Variants in KIF13B observed in about 807,000 individuals in gnomAD.
KIF13B encodes the protein kinesin family member 13B.
Under a neutral mutation model 222.0 loss-of-function variants are expected in KIF13B, and 127 were observed. That is an observed-to-expected ratio of 0.57 (90% confidence interval 0.50 to 0.66). The LOEUF (loss-of-function observed/expected upper bound fraction) is 0.66. Ranked by LOEUF, KIF13B falls within the 30% of genes least tolerant of loss-of-function variation. The pLI is 0.00. For synonymous variants in KIF13B, 976 were observed against 919.0 expected, an observed-to-expected ratio of 1.06 and a Z score of -1.12; for missense variants, 2,173 against 2,379.0, an observed-to-expected ratio of 0.91 and a Z score of 1.80.
Position 29,186,324 on chromosome 8 carries a change from A to C in KIF13B, c.465T>G (p.Asn155Lys). The change falls in exon 6 of 40, where the codon AAT (asparagine) becomes AAG (lysine). Residue 155 changes from asparagine to lysine, a missense_variant. Asn to Lys is a moderately conservative substitution (Grantham distance 94, BLOSUM62 0). Transcript: ENST00000524189. ...KVEVSYMEIYNEKVRDLLDPK... is the reference protein window; with the variant it reads ...KVEVSYMEIYKEKVRDLLDPK... ...GATCAAGAAGGTCTCGAACTTTTTC[A>C]TTATAAATTTCCATGTAGGACACTT... is the stretch of plus-strand genomic sequence containing the variant. 1 of 1,612,854 alleles carries C rather than the reference A, an allele frequency of 6.2e-7. No individual in the cohort carries two copies. Among genetic ancestry groups the C allele is most frequent in the Non-Finnish European group, 8.5e-7 (1 of 1,179,564 alleles).
chr8:29,222,123 G>A (rs1032549426), intron 2 of KIF13B, among the ~76,000 whole-genome samples: 1 of 152,126 alleles, frequency 6.6e-6, no homozygotes, highest in Non-Finnish European at 1.5e-5. Context: ...GAGGTAGGAA[G>A]GTCGCTTGAG....
chr8:29,250,295 A>C (rs973435530), intron 1 of KIF13B, among the ~76,000 whole-genome samples: 1 of 152,228 alleles, frequency 6.6e-6, no homozygotes, highest in Non-Finnish European at 1.5e-5. Flanking sequence ...CAGTTCCTTC[A>C]TTTCAAATTA....
intron 15 of KIF13B, among the ~76,000 whole-genome samples, chr8:29,149,570 C>T (rs1193144645): frequency 6.6e-6 from 1 of 152,216 alleles, no homozygotes; most frequent in Non-Finnish European, 1.5e-5. Flanking sequence ...GAGGCAAATT[C>T]TAGCAAAGGA....
chr8:29,187,999 T>C (rs1175883296), intron 5 of KIF13B, among the ~76,000 whole-genome samples: 2 of 152,192 alleles, frequency 1.3e-5, no homozygotes, highest in Admixed American at 6.5e-5. Flanking sequence ...ACACGACACA[T>C]GAGGCTTCTT....
At chr8:29,237,514 A>T (rs2925209) in intron 2 of KIF13B, among the ~76,000 whole-genome samples, 33,258 of 151,048 alleles carry the variant, frequency 0.22, 3,888 homozygotes, top group African/African-American at 0.29. Flanking sequence ...CCAGGTAGTA[A>T]TTCAAGCACA....
intron 37 of KIF13B, among the ~76,000 whole-genome samples, chr8:29,082,568 G>A (rs1434889111): frequency 6.6e-6 from 1 of 152,106 alleles, no homozygotes; most frequent in East Asian, 1.9e-4. Context: ...GCGCCCAGGA[G>A]TTCGAAGCTG....
At chr8:29,124,286 A>T (rs1006964192) in intron 26 of KIF13B, among the ~76,000 whole-genome samples, 163 bp from the exon 27 acceptor site, 3 of 152,246 alleles carry the variant, frequency 2.0e-5, no homozygotes, top group Admixed American at 6.5e-5. Flanking sequence ...CTTTCAAAAC[A>T]GCTATTTTCA....
intron 1 of KIF13B, among the ~76,000 whole-genome samples, chr8:29,261,816 A>G (rs572473436): frequency 6.6e-6 from 1 of 152,196 alleles, no homozygotes; most frequent in Non-Finnish European, 1.5e-5. Flanking sequence ...GATAACTCCA[A>G]GCGAGAAACC....
At chr8:29,132,049 C>A (rs1055661163) in intron 23 of KIF13B, among the ~76,000 whole-genome samples, 1 of 152,116 alleles carries the variant, frequency 6.6e-6, no homozygotes, top group Admixed American at 6.6e-5. Flanking sequence ...GAGTTCAAGA[C>A]CAGCCTGGCC....
In KIF13B at chr8:29,070,778, GGA is replaced by G. The variant is rs760945176; in HGVS notation, c.5219-14_5219-13del. Reference sequence around the variant, plus strand: ...ACCGTCATTCTTACCTGCGGGGGAAGGAGAGGGTGATATGGAGGGCAGCCGAG... The same window carrying G: ...ACCGTCATTCTTACCTGCGGGGGAAGGAGGGTGATATGGAGGGCAGCCGAG... On this transcript the variant is annotated splice_polypyrimidine_tract_variant and intron_variant, in intron 39 of 39. Coordinates refer to ENST00000524189, the MANE Select transcript of KIF13B (RefSeq NM_015254.4). This position sits in a 1 kb window ranked among gnomAD's most constrained non-coding sequence, Gnocchi z 4.1. 303 of 1,584,980 alleles carry G rather than the reference GGA, an allele frequency of 1.9e-4. No individual in the cohort carries two copies. The highest frequency in any genetic ancestry group is 2.5e-4 in the Non-Finnish European group (296 of 1,166,398).
intron 3 of KIF13B, 87 bp downstream of exon 3, chr8:29,196,100 T>C (rs751014375): frequency 2.0e-4 from 226 of 1,107,264 alleles, no homozygotes; most frequent in Middle Eastern, 4.0e-4. Flanking sequence ...AGAAAATATT[T>C]TCCTTTTTGA....
chr8:29,130,495 AC>A (rs747386482), intron 24 of KIF13B, 37 bp downstream of exon 24: 1 of 1,609,270 alleles, frequency 6.2e-7, no homozygotes, highest in African/African-American at 1.3e-5. Flanking sequence ...GCTTTCTGGC[AC>A]CAAAGAATCT....
At chr8:29,104,664 T>A (rs1808962574) in intron 35 of KIF13B, among the ~76,000 whole-genome samples, 1 of 152,196 alleles carries the variant, frequency 6.6e-6, no homozygotes, top group Non-Finnish European at 1.5e-5. Context: ...TGCCATTCCT[T>A]GGGACATGAC....
At chr8:29,106,825 C>T (rs1303220327) in intron 35 of KIF13B, among the ~76,000 whole-genome samples, 1 of 152,112 alleles carries the variant, frequency 6.6e-6, no homozygotes, top group East Asian at 1.9e-4. Flanking sequence ...CTGTCTCTGT[C>T]ACGCTGCCTC....
chr8:29,149,289 G>GA (rs1047432718), intron 15 of KIF13B, among the ~76,000 whole-genome samples: 22 of 152,186 alleles, frequency 1.4e-4, no homozygotes, highest in African/African-American at 4.8e-4. Flanking sequence ...ATTTAGGAAG[G>GA]AAAAAAATGC....
chr8:29,179,829 C>G (rs575687145), intron 8 of KIF13B, among the ~76,000 whole-genome samples: 2 of 152,270 alleles, frequency 1.3e-5, no homozygotes, highest in South Asian at 4.1e-4. Context: ...TGTCACCACC[C>G]CGGGAGCCAG....
intron 8 of KIF13B, among the ~76,000 whole-genome samples, chr8:29,178,652 TAAA>T (rs35590594): frequency 2.9e-5 from 4 of 139,064 alleles, no homozygotes; most frequent in African/African-American, 1.1e-4. Flanking sequence ...TACTTTTAGT[TAAA>T]AAAAAAAAAA....
intron 12 of KIF13B, among the ~76,000 whole-genome samples, chr8:29,161,757 C>T (rs538468104): frequency 1.6e-3 from 234 of 148,818 alleles, no homozygotes; most frequent in African/African-American, 5.1e-3. Flanking sequence ...TCTGTGTTCT[C>T]GTTAGCTGAA....
chr8:29,163,929 T>A (rs961811990), intron 12 of KIF13B, among the ~76,000 whole-genome samples: 3 of 152,212 alleles, frequency 2.0e-5, no homozygotes, highest in African/African-American at 7.2e-5. Context: ...ATTATTAGAA[T>A]GACTTATAAT....
Sources: gnomAD v4.1 joint callset for allele counts (sites outside exome capture counted in the v4.1 genomes callset) on GRCh38, gnomAD v4.1.1 for gene constraint, Gnocchi (gnomAD v3.1) non-coding constraint, MANE v1.5 for transcripts, NCBI Gene and HGNC (gene_info 2026-07-23, HGNC 2026-07-21) for gene names.